Variants in CNTN3 observed in about 807,000 individuals in gnomAD.
CNTN3 encodes contactin-3.
In CNTN3, 60 loss-of-function variants were observed where a neutral mutation model predicts 119.1. That is an observed-to-expected ratio of 0.50 (90% CI 0.41 to 0.62). The LOEUF (loss-of-function observed/expected upper bound fraction) is 0.62, where lower values mean the gene tolerates loss of function less well. Among genes scored for constraint, CNTN3 ranks in the 20% least tolerant of loss-of-function variants. CNTN3 has a pLI of 0.00. For missense variants in CNTN3, 1,101 were observed against 1,242.4 expected (o/e 0.89, Z 1.71); for synonymous variants, 450 against 438.7 (o/e 1.03, Z -0.32).
At chr3:74,538,446 A>G (rs1703796463) in intron 1 of CNTN3, among the ~76,000 whole-genome samples, 1 of 152,060 alleles carries the variant, frequency 6.6e-6, no homozygotes, top group Non-Finnish European at 1.5e-5. Context: ...CCTGAGCCCA[A>G]TTATTTGCAG....
At chr3:74,383,631 C>T (rs1704677199) in intron 5 of CNTN3, among the ~76,000 whole-genome samples, 1 of 152,114 alleles carries the variant, frequency 6.6e-6, no homozygotes, top group South Asian at 2.1e-4. Context: ...GACCACAGTG[C>T]ATGCCATGAC....
intron 6 of CNTN3, among the ~76,000 whole-genome samples, 186 bp from the exon 7 acceptor site, chr3:74,370,177 T>C (rs1399737337): frequency 1.3e-5 from 2 of 152,006 alleles, no homozygotes; most frequent in African/African-American, 4.8e-5. Context: ...ATGAAACAGA[T>C]TTTTTCTTTA....
chr3:74,427,551 A>C (rs1304736878), intron 4 of CNTN3, among the ~76,000 whole-genome samples: 2 of 152,176 alleles, frequency 1.3e-5, no homozygotes, highest in Non-Finnish European at 2.9e-5. Flanking sequence ...GTGCCACCCA[A>C]ATGTAAGTCA....
chr3:74,361,557 C>T (rs1400457023), intron 11 of CNTN3, among the ~76,000 whole-genome samples: 1 of 152,190 alleles, frequency 6.6e-6, no homozygotes, highest in Non-Finnish European at 1.5e-5. Context: ...ATACATCCTT[C>T]TCTTCTTTGT....
chr3:74,277,478 A>G (rs923572581), intron 20 of CNTN3, among the ~76,000 whole-genome samples: 1 of 152,204 alleles, frequency 6.6e-6, no homozygotes, highest in African/African-American at 2.4e-5. Context: ...CAAGTCAATA[A>G]ATGTGAAACA....
chr3:74,401,516 G>GCACACACACA (rs139654677), intron 5 of CNTN3, among the ~76,000 whole-genome samples: 1 of 150,508 alleles, frequency 6.6e-6, no homozygotes, highest in Non-Finnish European at 1.5e-5. Context: ...ACGCGCGCAC[G>GCACACACACA]CACACACACA....
At chr3:74,315,549 T>C (rs1045665208) in intron 13 of CNTN3, among the ~76,000 whole-genome samples, 2 of 152,148 alleles carry the variant, frequency 1.3e-5, no homozygotes, top group Non-Finnish European at 1.5e-5. Context: ...CTAGAAAACA[T>C]ACCTTAAAAA....
At chr3:74,553,973 T>C (rs1207273705) in intron 1 of CNTN3, among the ~76,000 whole-genome samples, 3 of 152,238 alleles carry the variant, frequency 2.0e-5, no homozygotes, top group Non-Finnish European at 4.4e-5. Context: ...TTTGGTGTTT[T>C]AGATATGAAG....
At chr3:74,295,346 T>A (rs1702317350) in intron 18 of CNTN3, 110 bp from the exon 19 acceptor site, 1 of 608,836 alleles carries the variant, frequency 1.6e-6, no homozygotes, top group African/African-American at 1.8e-5. Flanking sequence ...GAAAATTGTA[T>A]GAAATATTCT....
chr3:74,391,600 T>G (rs1460915422), intron 5 of CNTN3, among the ~76,000 whole-genome samples: 4 of 134,784 alleles, frequency 3.0e-5, no homozygotes, highest in Non-Finnish European at 6.2e-5. Context: ...GGAGTCTTGC[T>G]CTGTCCCCCA....
chr3:74,604,945 T>G (rs1039333542), intron 1 of CNTN3, among the ~76,000 whole-genome samples: 1 of 152,108 alleles, frequency 6.6e-6, no homozygotes, highest in East Asian at 1.9e-4. Flanking sequence ...ATACACACAA[T>G]GGAATATTAT....
chr3:74,470,942 T>C (rs1326566742), intron 4 of CNTN3, among the ~76,000 whole-genome samples: 1 of 151,506 alleles, frequency 6.6e-6, no homozygotes, highest in Non-Finnish European at 1.5e-5. Flanking sequence ...AGTGGTGTGA[T>C]CTCGGCTCAC....
rs537572315 is a variant in CNTN3 at position 74,571,809 on chromosome 3, GAATACTTT to G, written c.-81+42574_-81+42581del. ...GGGATCGCTCACTAATATCAGTTAT[GAATACTTT>G]ATTAAAAATGTTTTATCACTTTTCT... is the stretch of plus-strand genomic sequence containing the variant. On this transcript the variant is annotated intron_variant, in intron 1 of 22. Coordinates refer to ENST00000263665, the MANE Select transcript of CNTN3 (RefSeq NM_020872.3). 3.2e-4 allele frequency among the ~76,000 whole-genome samples: 49 copies of G among 152,258 alleles called. No homozygotes were observed. The East Asian group carries it at 6.8e-3, about 21-fold the overall frequency.
intron 1 of CNTN3, among the ~76,000 whole-genome samples, chr3:74,562,934 A>G (rs1414912674): frequency 1.3e-5 from 2 of 152,200 alleles, no homozygotes; most frequent in African/African-American, 4.8e-5. Flanking sequence ...GCTAAGAGAC[A>G]CTTAGGCAGC....
chr3:74,603,519 C>G (rs1470117287), intron 1 of CNTN3, among the ~76,000 whole-genome samples: 1 of 152,100 alleles, frequency 6.6e-6, no homozygotes, highest in Non-Finnish European at 1.5e-5. Flanking sequence ...ATGAATAATG[C>G]TTGCTAGAAG....
At chr3:74,437,189 T>G (rs766751795) in intron 4 of CNTN3, among the ~76,000 whole-genome samples, 3 of 152,186 alleles carry the variant, frequency 2.0e-5, no homozygotes, top group Non-Finnish European at 4.4e-5. Context: ...CCAGGCACGG[T>G]GGCTCACGCC....
intron 1 of CNTN3, among the ~76,000 whole-genome samples, chr3:74,606,170 A>G (rs954820749): frequency 2.0e-5 from 3 of 152,126 alleles, no homozygotes; most frequent in African/African-American, 7.2e-5. Flanking sequence ...ACACTAAAAA[A>G]AGGAAAAGAA....
intron 2 of CNTN3, among the ~76,000 whole-genome samples, chr3:74,513,481 G>T (rs914088693): frequency 6.6e-6 from 1 of 152,024 alleles, no homozygotes; most frequent in Non-Finnish European, 1.5e-5. Context: ...CACTCTCTCA[G>T]GTCAGCAGAC....
chr3:74,360,688 G>A (rs976902527), intron 11 of CNTN3, among the ~76,000 whole-genome samples: 1 of 152,040 alleles, frequency 6.6e-6, no homozygotes, highest in Admixed American at 6.6e-5. Flanking sequence ...ACTCATTCAG[G>A]TTGTTGGTGG....
Sources: allele counts gnomAD v4.1 joint callset (sites outside exome capture counted in the v4.1 genomes callset), GRCh38; gene constraint gnomAD v4.1.1; transcripts MANE v1.5; gene names NCBI Gene and HGNC (gene_info 2026-07-23, HGNC 2026-07-21).